SLC39A11: variants seen among roughly 807,000 people sequenced by gnomAD.
SLC39A11 encodes the protein zinc transporter ZIP11.
A neutral mutation model predicts 36.1 loss-of-function variants in SLC39A11; 33 were observed. The ratio of observed to expected loss-of-function variants is 0.91; its 90% CI spans 0.69 to 1.22. The LOEUF is 1.22. Among genes scored for constraint, SLC39A11 ranks in the 50% most tolerant of loss-of-function variants. The pLI is 0.00. For missense variants in SLC39A11, 432 were observed against 430.3 expected (o/e 1.00, Z -0.03); for synonymous variants, 166 against 170.3 (o/e 0.97, Z 0.20).
chr17:72,670,200 CACACACACACACAT>C lies in SLC39A11; in HGVS notation c.672-20946_672-20933del, dbSNP rs1161199246. Among the ~76,000 whole-genome samples, 185 of 84,154 alleles carry C rather than the reference CACACACACACACAT, an allele frequency of 2.2e-3. 1 individual carries two copies. Among genetic ancestry groups the C allele is most frequent in the Admixed American group, 6.4e-3 (55 of 8,592 alleles). 55.2% of individuals were successfully genotyped at this position (84,154 alleles called of 152,430 possible). On this transcript the variant is annotated intron_variant, in intron 7 of 9. Coordinates refer to ENST00000255559, the MANE Select transcript of SLC39A11 (RefSeq NM_139177.4). ...ACACACACACACACACACACACACACACACACACACACATATATATATATGCCAGGCATGGTGGC... is the reference window on the plus strand; with the variant it reads ...ACACACACACACACACACACACACACATATATATATGCCAGGCATGGTGGC...
chr17:72,919,981 G>A (rs2083560108), intron 5 of SLC39A11, among the ~76,000 whole-genome samples: 1 of 152,164 alleles, frequency 6.6e-6, no homozygotes, highest in South Asian at 2.1e-4. Flanking sequence ...TGAGATCAAT[G>A]GACTGCCAGC....
intron 6 of SLC39A11, among the ~76,000 whole-genome samples, chr17:72,774,056 C>G (rs147279903): frequency 2.1e-3 from 323 of 152,292 alleles, no homozygotes; most frequent in African/African-American, 7.1e-3. Context: ...AATTAACTGC[C>G]CTGGGCCTCC....
chr17:72,678,693 A>G (rs557808048), intron 7 of SLC39A11, among the ~76,000 whole-genome samples: 5 of 152,140 alleles, frequency 3.3e-5, no homozygotes, highest in Non-Finnish European at 5.9e-5. Flanking sequence ...CGAGAAAAAA[A>G]AAAGAGAGAA....
At chr17:72,907,298 T>C (rs2082705681) in intron 5 of SLC39A11, among the ~76,000 whole-genome samples, 1 of 152,210 alleles carries the variant, frequency 6.6e-6, no homozygotes, top group African/African-American at 2.4e-5. Flanking sequence ...GAGACCAGCC[T>C]GGCCAACATG....
intron 5 of SLC39A11, among the ~76,000 whole-genome samples, chr17:72,922,829 G>T (rs185827733): frequency 6.6e-6 from 1 of 151,920 alleles, no homozygotes; most frequent in East Asian, 1.9e-4. Context: ...TTATCCAGGT[G>T]TGGTGGTGCA....
intron 3 of SLC39A11, among the ~76,000 whole-genome samples, chr17:73,047,438 T>C (rs1052318902): frequency 5.9e-5 from 9 of 152,188 alleles, no homozygotes; most frequent in African/African-American, 1.9e-4. Flanking sequence ...TATTTATTCC[T>C]ATGTAAAATG....
intron 6 of SLC39A11, among the ~76,000 whole-genome samples, chr17:72,760,908 C>T (rs56254761): frequency 1.8e-4 from 27 of 152,236 alleles, no homozygotes; most frequent in Non-Finnish European, 4.0e-4. Flanking sequence ...GCTCAACTTC[C>T]TACTTGCCTG....
intron 6 of SLC39A11, chr17:72,821,506 G>GAAA (rs1180203343): frequency 2.7e-5 from 1 of 37,290 alleles, no homozygotes; most frequent in African/African-American, 1.1e-4. Flanking sequence ...ACTCTGTCAC[G>GAAA]AAAAAAAAAA....
chr17:73,036,980 C>A (rs532572143), intron 3 of SLC39A11, among the ~76,000 whole-genome samples: 3 of 149,776 alleles, frequency 2.0e-5, no homozygotes, highest in African/African-American at 7.4e-5. Context: ...AATCACACAG[C>A]ATGGAACCTT....
At chr17:73,058,116 G>C (rs2059729492) in intron 3 of SLC39A11, among the ~76,000 whole-genome samples, 1 of 151,176 alleles carries the variant, frequency 6.6e-6, no homozygotes, top group Admixed American at 6.6e-5. Context: ...TTTCAAAATG[G>C]AGAAGGTCAA....
intron 4 of SLC39A11, among the ~76,000 whole-genome samples, chr17:72,966,627 T>A (rs571852759): frequency 6.6e-6 from 1 of 152,272 alleles, no homozygotes; most frequent in African/African-American, 2.4e-5. Context: ...TGGAGTGCAG[T>A]GGCGCGATCT....
chr17:73,048,300 T>C (rs1051521580), intron 3 of SLC39A11, among the ~76,000 whole-genome samples: 2 of 152,118 alleles, frequency 1.3e-5, no homozygotes, highest in Non-Finnish European at 2.9e-5. Context: ...TGGTTTTCTG[T>C]TTCTGTGTTA....
intron 7 of SLC39A11, among the ~76,000 whole-genome samples, chr17:72,717,087 T>C (rs1239968881): frequency 6.8e-6 from 1 of 146,664 alleles, no homozygotes; most frequent in African/African-American, 2.5e-5. Context: ...TATATGTATA[T>C]ATGTATATAC....
chr17:72,834,997 T>C (rs950695051), intron 6 of SLC39A11, among the ~76,000 whole-genome samples: 1 of 152,248 alleles, frequency 6.6e-6, no homozygotes, highest in African/African-American at 2.4e-5. Context: ...CCACTTTTAT[T>C]TGGGATCACG....
chr17:72,855,811 G>T (rs1203757215), intron 5 of SLC39A11, among the ~76,000 whole-genome samples: 2 of 151,994 alleles, frequency 1.3e-5, no homozygotes, highest in Admixed American at 1.3e-4. Flanking sequence ...GCAGGAGAAT[G>T]GCGTGAACCC....
chr17:72,867,222 A>G (rs1480437800), intron 5 of SLC39A11, among the ~76,000 whole-genome samples: 1 of 152,170 alleles, frequency 6.6e-6, no homozygotes, highest in Non-Finnish European at 1.5e-5. Flanking sequence ...AAAGGAAGCC[A>G]GGAGTGGTGG....
intron 7 of SLC39A11, among the ~76,000 whole-genome samples, chr17:72,721,736 G>A (rs1285718117): frequency 2.0e-5 from 3 of 152,092 alleles, no homozygotes; most frequent in Admixed American, 6.6e-5. Flanking sequence ...TTGGGAGGAC[G>A]AGGCAGGCAG....
intron 5 of SLC39A11, among the ~76,000 whole-genome samples, chr17:72,886,745 C>T (rs1195041591): frequency 6.6e-6 from 1 of 152,210 alleles, no homozygotes; most frequent in Non-Finnish European, 1.5e-5. Context: ...CGCTGGAACA[C>T]TTGCTGGACA....
intron 3 of SLC39A11, chr17:73,068,114 A>G: frequency 7.2e-7 from 1 of 1,389,452 alleles, no homozygotes; most frequent in South Asian, 1.2e-5. Flanking sequence ...CACAGCCTTT[A>G]GCAAAATGTC....
Sources: allele counts gnomAD v4.1 joint callset (sites outside exome capture counted in the v4.1 genomes callset), GRCh38; gene constraint gnomAD v4.1.1; transcripts MANE v1.5; gene names NCBI Gene and HGNC (gene_info 2026-07-23, HGNC 2026-07-21).